The following DPY19L3 variants were observed in gnomAD, a reference collection of about 807,000 sequenced individuals.
DPY19L3 encodes the protein protein C-mannosyl-transferase DPY19L3.
Under a neutral mutation model 92.3 loss-of-function variants are expected in DPY19L3, and 51 were observed. The observed-to-expected ratio is 0.55, with a 90% CI of 0.44 to 0.70. The LOEUF (loss-of-function observed/expected upper bound fraction) is 0.70, where lower values mean the gene tolerates loss of function less well. Among genes scored for constraint, DPY19L3 ranks in the 30% least tolerant of loss-of-function variants. The pLI is 0.00. For synonymous variants in DPY19L3, 309 were observed against 315.2 expected (o/e 0.98, Z 0.21); for missense variants, 706 against 855.9 (o/e 0.82, Z 2.18).
intron 2 of DPY19L3, among the ~76,000 whole-genome samples, chr19:32,410,413 T>C (rs757155491): frequency 3.9e-5 from 6 of 152,212 alleles, no homozygotes; most frequent in African/African-American, 1.4e-4. Flanking sequence ...ACTTGAGTTA[T>C]GTTGGATTAT....
At position 32,432,736 on chromosome 19, in the gene DPY19L3, A is replaced by G. The variant is rs765449833; in HGVS notation, c.258A>G (p.Ser86=). 3.3e-5 allele frequency: 53 copies of G among 1,613,114 alleles called. No homozygotes were observed. Among genetic ancestry groups the G allele is most frequent in the Non-Finnish European group, 4.4e-5 (52 of 1,179,264 alleles). Residue 86 remains serine (S), a synonymous_variant, in exon 4 of 19, where the codon TCA becomes TCG. Coordinates refer to ENST00000392250, the MANE Select transcript of DPY19L3 (RefSeq NM_001172774.2). ...TTTAGGAAGTGGAGCGAGAAATCTC[A>G]TTCAGAACAGAGTGTGGCCTGTATT... ...SNIKEVEREI[S]FRTECGLYYS...
intron 3 of DPY19L3, among the ~76,000 whole-genome samples, chr19:32,425,377 C>T (rs920080102): frequency 6.6e-6 from 1 of 151,902 alleles, no homozygotes; most frequent in African/African-American, 2.4e-5. Flanking sequence ...ATAGTAAAAC[C>T]CTGTATCTAT....
intron 16 of DPY19L3, among the ~76,000 whole-genome samples, chr19:32,472,971 C>G (rs1004351584): frequency 6.6e-6 from 1 of 152,148 alleles, no homozygotes; most frequent in African/African-American, 2.4e-5. Flanking sequence ...CTATAAGCCT[C>G]TTTTCTATTT....
chr19:32,454,057 G>T (rs1477292970), intron 9 of DPY19L3, among the ~76,000 whole-genome samples: 1 of 151,930 alleles, frequency 6.6e-6, no homozygotes, highest in African/African-American at 2.4e-5. Context: ...GTTTTTAGTT[G>T]ACTATCAAAA....
chr19:32,471,808 A>C (rs1042273316), intron 16 of DPY19L3, among the ~76,000 whole-genome samples: 5 of 152,214 alleles, frequency 3.3e-5, no homozygotes, highest in African/African-American at 1.2e-4. Flanking sequence ...GGGAAAATAA[A>C]GGGCCTTACC....
chr19:32,421,295 G>C (rs1311158213), intron 3 of DPY19L3, among the ~76,000 whole-genome samples: 1 of 152,174 alleles, frequency 6.6e-6, no homozygotes, highest in African/African-American at 2.4e-5. Context: ...TCAAGTTCCA[G>C]CTTTGATGAA....
chr19:32,448,849 G>A (rs1384976448), intron 8 of DPY19L3, among the ~76,000 whole-genome samples: 15 of 152,234 alleles, frequency 9.9e-5, no homozygotes, highest in South Asian at 4.1e-4. Flanking sequence ...CCAGTACACC[G>A]CTGATAATCC....
intron 3 of DPY19L3, among the ~76,000 whole-genome samples, chr19:32,423,251 T>C (rs554441903): frequency 6.6e-6 from 1 of 152,182 alleles, no homozygotes; most frequent in South Asian, 2.1e-4. Flanking sequence ...TTTATTTATT[T>C]ATTTATGAAA....
rs927979990 is a variant in DPY19L3 at position 32,485,733 on chromosome 19, G to A, written c.*3493G>A. The stretch of plus-strand genomic sequence containing the variant: ...TTGGCCTAAGAGAATGTTTGTTCAT[G>A]GAAAAAAGCTTTTGAGATGAGAGGG... On this transcript the variant is annotated 3_prime_UTR_variant, in exon 19 of 19. Coordinates refer to ENST00000392250, the MANE Select transcript of DPY19L3 (RefSeq NM_001172774.2). 5 of 152,100 alleles carry A rather than the reference G, an allele frequency of 3.3e-5. No individual in the cohort carries two copies. The highest frequency in any genetic ancestry group is 1.2e-4 in the African/African-American group (5 of 41,424). The allele number at this position is 152,100 out of a possible 1,614,324, so 9.4% of individuals were successfully genotyped here.
chr19:32,458,098 A>G lies in DPY19L3; in HGVS notation c.1090-2A>G. On this transcript the variant is annotated splice_acceptor_variant, in intron 10 of 18. Coordinates refer to ENST00000392250, the MANE Select transcript of DPY19L3 (RefSeq NM_001172774.2). LOFTEE classifies it high-confidence loss of function. ...AATTTTTGTTTTCTCTTTCCCCGAT[A>G]GAAAATTCTTAACCTGAAGTCAGAT... is the stretch of plus-strand genomic sequence containing the variant. 6.2e-7 allele frequency: 1 copy of G among 1,608,976 alleles called. No individual in the cohort carries two copies. The highest frequency in any genetic ancestry group is 8.5e-7 in the Non-Finnish European group (1 of 1,178,638).
intron 8 of DPY19L3, among the ~76,000 whole-genome samples, chr19:32,447,762 TAGATAGATA>T (rs1568343812): frequency 3.9e-4 from 58 of 147,104 alleles, no homozygotes; most frequent in African/African-American, 1.4e-3. Flanking sequence ...GATAGATAGA[TAGATAGATA>T]GATAGATTAG....
Position 32,408,232 on chromosome 19 carries a change from C to A in DPY19L3, c.-22C>A. 4.5e-6 allele frequency: 7 copies of A among 1,567,048 alleles called. No homozygotes were observed. Among genetic ancestry groups the A allele is most frequent in the Non-Finnish European group, 6.1e-6 (7 of 1,141,474 alleles). ...TGCTATCTAGGAGTGATTTGGAGAA[C>A]AATGCATGTAAGTCTGACATCATGA... On this transcript the variant is annotated 5_prime_UTR_variant, in exon 2 of 19. Transcript: ENST00000392250.
chr19:32,455,107 G>A, intron 10 of DPY19L3, 67 bp downstream of exon 10: 1 of 1,087,318 alleles, frequency 9.2e-7, no homozygotes, highest in African/African-American at 1.6e-5. Flanking sequence ...GATAATTTTT[G>A]AAACTTTCTT....
At chr19:32,444,259 AAAG>A (rs996884344) in intron 8 of DPY19L3, among the ~76,000 whole-genome samples, 3 of 152,196 alleles carry the variant, frequency 2.0e-5, no homozygotes, top group Non-Finnish European at 2.9e-5. Flanking sequence ...TAGAAGATAC[AAAG>A]AAGAAGCAAG....
Position 32,482,141 on chromosome 19 carries a change from T to G in DPY19L3, c.2052T>G (p.Cys684Trp). The G allele has an allele frequency of 1.2e-6, 2 of 1,613,858 alleles. No individual in the cohort carries two copies. The highest frequency in any genetic ancestry group is 4.5e-5 in the East Asian group (2 of 44,856). The change falls in exon 19 of 19, where the codon TGT (cysteine) becomes TGG (tryptophan). Residue 684 changes from cysteine to tryptophan, a missense_variant. Transcript: ENST00000392250. ...DLKPADHPRF[C>W]EEIKRNLPPY... ...AACCTGCAGACCACCCTCGCTTCTG[T>G]GAAGAGATCAAAAGAAACCTGCCTC...
At chr19:32,463,810 A>C (rs1970116752) in intron 13 of DPY19L3, 59 bp from the exon 14 acceptor site, 1 of 1,431,784 alleles carries the variant, frequency 7.0e-7, no homozygotes, top group South Asian at 1.2e-5. Context: ...TAGGTGTCTC[A>C]GAATCCAGGT....
chr19:32,445,460 A>AAAAAAAC (rs1969466702), intron 8 of DPY19L3, among the ~76,000 whole-genome samples: 1 of 149,616 alleles, frequency 6.7e-6, no homozygotes, highest in East Asian at 1.9e-4. Context: ...AAAAAAAAAA[A>AAAAAAAC]ACCATCAACC....
chr19:32,417,471 C>T (rs1968418162), intron 3 of DPY19L3, among the ~76,000 whole-genome samples: 1 of 152,228 alleles, frequency 6.6e-6, no homozygotes, highest in Admixed American at 6.5e-5. Flanking sequence ...CAGGTGCGTG[C>T]CACCACGCCT....
At chr19:32,436,373 CTG>C in intron 4 of DPY19L3, 71 bp from the exon 5 acceptor site, 1 of 1,163,844 alleles carries the variant, frequency 8.6e-7, no homozygotes, top group Admixed American at 2.8e-5. Context: ...ACTAAACAAT[CTG>C]TGCATAGTTT....
Sources: gnomAD v4.1 joint callset for allele counts (sites outside exome capture counted in the v4.1 genomes callset) on GRCh38, gnomAD v4.1.1 for gene constraint, MANE v1.5 for transcripts, NCBI Gene and HGNC (gene_info 2026-07-23, HGNC 2026-07-21) for gene names.